The following EDA variants were observed in gnomAD, a reference collection of about 807,000 sequenced individuals.
The protein encoded by EDA is ectodysplasin A.
Under a neutral mutation model 23.6 loss-of-function variants are expected in EDA, and 2 were observed. That is an observed-to-expected ratio of 0.08 (90% CI 0.03 to 0.27). EDA has a LOEUF of 0.27. Ranked by LOEUF, EDA falls within the 10% of genes least tolerant of loss-of-function variation. The pLI, the probability that EDA is intolerant of heterozygous loss-of-function variation, is 1.00. For synonymous variants in EDA, 131 were observed against 132.0 expected (o/e 0.99, Z 0.05); for missense variants, 229 against 324.2 (o/e 0.71, Z 2.26).
chrX:69,779,744 AAAAC>A (rs752987079), intron 1 of EDA, among the ~76,000 whole-genome samples: 4 of 111,887 alleles, frequency 3.6e-5, no homozygotes, highest in South Asian at 3.7e-4. Context: ...AAGAAAACCA[AAAAC>A]AAACAAACAA....
At chrX:69,807,818 A>T (rs1291814107) in intron 1 of EDA, among the ~76,000 whole-genome samples, 1 of 111,327 alleles carries the variant, frequency 9.0e-6, no homozygotes, top group African/African-American at 3.3e-5. Flanking sequence ...AGAAGCAGGG[A>T]CAGAAAATGA....
intron 2 of EDA, among the ~76,000 whole-genome samples, chrX:69,989,987 G>T (rs1322510782): frequency 1.0e-5 from 1 of 96,057 alleles, no homozygotes; most frequent in Non-Finnish European, 2.1e-5. Flanking sequence ...ATTCATTGAA[G>T]CATTCTTATG....
chrX:69,670,366 G>T (rs1933848125), intron 1 of EDA: 1 of 317,307 alleles, frequency 3.2e-6, no homozygotes, highest in Admixed American at 6.0e-5. Context: ...TGATGATAGT[G>T]TACCTTAGAG....
At chrX:69,916,103 A>AC (rs1267360739) in intron 1 of EDA, among the ~76,000 whole-genome samples, 7 of 111,696 alleles carry the variant, frequency 6.3e-5, no homozygotes, top group East Asian at 5.6e-4. Context: ...TACTCTCTCG[A>AC]CCCCAACTTC....
intron 1 of EDA, among the ~76,000 whole-genome samples, chrX:69,795,459 T>G: frequency 8.8e-6 from 1 of 113,080 alleles, no homozygotes; most frequent in Non-Finnish European, 1.9e-5. Context: ...GAGTAAAATT[T>G]ATAGGCCAAA....
chrX:69,784,276 G>A (rs11094125), intron 1 of EDA, among the ~76,000 whole-genome samples: 27 of 101,049 alleles, frequency 2.7e-4, no homozygotes, highest in African/African-American at 8.0e-4. Flanking sequence ...CTTTTGCTGT[G>A]CAGAAGCTCT....
chrX:69,752,709 G>C (rs968053146), intron 1 of EDA, among the ~76,000 whole-genome samples: 4 of 111,655 alleles, frequency 3.6e-5, no homozygotes, highest in African/African-American at 1.3e-4. Flanking sequence ...TCTGGTCCTG[G>C]ACTGTTTTGG....
At position 69,783,508 on chromosome X, in the gene EDA, A is replaced by G. The variant is rs750648254; in HGVS notation, c.396+166804A>G. Among the ~76,000 whole-genome samples, 12 of 102,428 alleles carry G rather than the reference A, an allele frequency of 1.2e-4. No homozygotes were observed. In the South Asian group the frequency reaches 1.4e-3, roughly 12 times the overall value. 88.9% of individuals were successfully genotyped at this position (102,428 alleles called of 115,157 possible). A position where few individuals can be genotyped will look rare whatever the true frequency, so the allele number is the denominator to read the frequency against. On this transcript the variant is annotated intron_variant, in intron 1 of 7. Transcript: ENST00000374552. ...TGTGTCCATGTGTTCTCATTGTTCA[A>G]TTCCCACCTATGAGTGAGAATATGC...
At chrX:69,937,583 C>G in intron 1 of EDA, 1 of 1,136,191 alleles carries the variant, frequency 8.8e-7, no homozygotes, top group Non-Finnish European at 1.2e-6. Context: ...CACAGAGGAC[C>G]ACTCCTGAAG....
intron 1 of EDA, among the ~76,000 whole-genome samples, chrX:69,907,063 G>A (rs1056516717): frequency 1.8e-5 from 2 of 111,704 alleles, no homozygotes; most frequent in Admixed American, 9.6e-5. Context: ...GAGAAAGTGA[G>A]TGTGTCATAC....
intron 1 of EDA, among the ~76,000 whole-genome samples, chrX:69,718,817 A>G (rs1326783064): frequency 9.0e-6 from 1 of 111,561 alleles, no homozygotes; most frequent in African/African-American, 3.3e-5. Context: ...CCCTTATAAA[A>G]TGAGTTAGGA....
chrX:69,709,712 T>G (rs1300580767), intron 1 of EDA, among the ~76,000 whole-genome samples: 1 of 111,963 alleles, frequency 8.9e-6, no homozygotes, highest in Non-Finnish European at 1.9e-5. Flanking sequence ...TCAGGCTGGC[T>G]TTGAATTTTT....
chrX:69,974,406 A>C (rs1602578201), intron 2 of EDA, among the ~76,000 whole-genome samples: 1 of 111,390 alleles, frequency 9.0e-6, no homozygotes, highest in African/African-American at 3.2e-5. Flanking sequence ...ATATACAAAA[A>C]TTAACTCAAG....
At chrX:69,868,841 C>T (rs1347001711) in intron 1 of EDA, among the ~76,000 whole-genome samples, 1 of 112,090 alleles carries the variant, frequency 8.9e-6, no homozygotes, top group Admixed American at 9.4e-5. Context: ...TTAATTTGCT[C>T]GAGCAATGAA....
intron 7 of EDA, among the ~76,000 whole-genome samples, chrX:70,035,006 T>C (rs1318027029): frequency 3.8e-5 from 4 of 104,240 alleles, no homozygotes; most frequent in Non-Finnish European, 5.8e-5. Context: ...ACACACCTGC[T>C]ACGTGCAGAG....
chrX:69,965,409 A>G (rs1602571051), intron 2 of EDA, among the ~76,000 whole-genome samples: 1 of 112,096 alleles, frequency 8.9e-6, no homozygotes, highest in Non-Finnish European at 1.9e-5. Flanking sequence ...CCTAAAGGCA[A>G]TGGGGAAGTA....
intron 1 of EDA, among the ~76,000 whole-genome samples, chrX:69,884,557 T>C (rs1194409077): frequency 8.9e-6 from 1 of 112,752 alleles, no homozygotes; most frequent in Non-Finnish European, 1.9e-5. Context: ...ACATTTCATA[T>C]AAAAGGAATC....
At chrX:69,626,866 G>C (rs926538486) in intron 1 of EDA, among the ~76,000 whole-genome samples, 2 of 111,827 alleles carry the variant, frequency 1.8e-5, no homozygotes, top group African/African-American at 3.3e-5. Context: ...TCTATATAAA[G>C]TAGTTTTTTT....
intron 2 of EDA, among the ~76,000 whole-genome samples, chrX:69,977,298 C>T (rs2019331452): frequency 8.9e-6 from 1 of 111,753 alleles, no homozygotes; most frequent in Non-Finnish European, 1.9e-5. Flanking sequence ...AGTCCATTAT[C>T]ATTTTTCTTC....
Sources: allele counts gnomAD v4.1 joint callset (sites outside exome capture counted in the v4.1 genomes callset), GRCh38; gene constraint gnomAD v4.1.1; transcripts MANE v1.5; gene names NCBI Gene and HGNC (gene_info 2026-07-23, HGNC 2026-07-21).